ATXN7L1: variants seen among roughly 807,000 people sequenced by gnomAD.
ATXN7L1 encodes ataxin 7 like 1.
In ATXN7L1, 15 loss-of-function variants were observed where a neutral mutation model predicts 70.8. That is an observed-to-expected ratio of 0.21 (90% CI 0.14 to 0.33). The LOEUF is 0.33. Ranked by LOEUF, ATXN7L1 falls within the 10% of genes least tolerant of loss-of-function variation. ATXN7L1 has a pLI of 1.00. For synonymous variants in ATXN7L1, 440 were observed against 445.1 expected (o/e 0.99, Z 0.14); for missense variants, 975 against 1,097.1 (o/e 0.89, Z 1.57).
At chr7:105,684,344 T>G (rs959689488) in intron 3 of ATXN7L1, among the ~76,000 whole-genome samples, 1 of 152,320 alleles carries the variant, frequency 6.6e-6, no homozygotes. Flanking sequence ...TTACAAAGCA[T>G]CATTTTCATT....
intron 2 of ATXN7L1, among the ~76,000 whole-genome samples, chr7:105,865,643 T>C (rs11973313): frequency 0.015 from 2,225 of 152,232 alleles, 53 homozygotes; most frequent in African/African-American, 0.051. Context: ...CCTCGTGATC[T>C]GCCCACCTTG....
chr7:105,795,388 G>C (rs1215221942), intron 2 of ATXN7L1, among the ~76,000 whole-genome samples: 1 of 152,154 alleles, frequency 6.6e-6, no homozygotes, highest in Non-Finnish European at 1.5e-5. Context: ...TTTGAAAATG[G>C]TTACAGTTAA....
chr7:105,843,341 A>G (rs1367186864), intron 2 of ATXN7L1, among the ~76,000 whole-genome samples: 1 of 152,232 alleles, frequency 6.6e-6, no homozygotes, highest in Non-Finnish European at 1.5e-5. Context: ...GGGATTAGCA[A>G]GATGGTCTGA....
intron 2 of ATXN7L1, among the ~76,000 whole-genome samples, chr7:105,835,114 G>A (rs570886686): frequency 7.0e-6 from 1 of 142,774 alleles, no homozygotes; most frequent in East Asian, 2.1e-4. Context: ...CCCTGTGGAA[G>A]CTGTTTTTTT....
chr7:105,875,634 C>G lies in ATXN7L1; in HGVS notation c.250+178G>C, dbSNP rs1472776212. 3.2e-5 allele frequency among the ~76,000 whole-genome samples: 4 copies of G among 126,144 alleles called. 1 individual carries two copies. The highest frequency in any genetic ancestry group is 1.1e-4 in the African/African-American group (4 of 36,880). The allele number at this position is 126,144 out of a possible 152,430, so 82.8% of individuals were successfully genotyped here. On this transcript the variant is annotated intron_variant, in intron 2 of 11. Transcript: ENST00000419735. ...ACAGTCTCACCCCCCTTTACCCCCC[C>G]CCCAGTTGTATTTATACTTTGAAAG...
At chr7:105,848,737 A>G (rs1191842315) in intron 2 of ATXN7L1, among the ~76,000 whole-genome samples, 1 of 152,190 alleles carries the variant, frequency 6.6e-6, no homozygotes, top group East Asian at 1.9e-4. Context: ...TGCATGAAGA[A>G]AAAGCATCAT....
At chr7:105,666,103 G>A (rs1802570403) in intron 3 of ATXN7L1, among the ~76,000 whole-genome samples, 2 of 152,152 alleles carry the variant, frequency 1.3e-5, no homozygotes, top group Non-Finnish European at 1.5e-5. Flanking sequence ...GTTCTAGTGT[G>A]CACCCGCTAT....
intron 4 of ATXN7L1, among the ~76,000 whole-genome samples, chr7:105,656,921 G>T (rs1429065557): frequency 6.6e-6 from 1 of 152,224 alleles, no homozygotes; most frequent in Non-Finnish European, 1.5e-5. Context: ...ACATAAAGGA[G>T]AAAATAACAA....
At chr7:105,633,716 G>A (rs1452501994) in intron 7 of ATXN7L1, among the ~76,000 whole-genome samples, 1 of 152,108 alleles carries the variant, frequency 6.6e-6, no homozygotes, top group Admixed American at 6.5e-5. Flanking sequence ...GGGAGACTCT[G>A]TCTCAAAACA....
At chr7:105,834,568 T>C (rs1226177007) in intron 2 of ATXN7L1, among the ~76,000 whole-genome samples, 1 of 152,154 alleles carries the variant, frequency 6.6e-6, no homozygotes, top group Non-Finnish European at 1.5e-5. Context: ...AGGTCAAACG[T>C]CATAACATTT....
At chr7:105,866,990 C>T (rs139530215) in intron 2 of ATXN7L1, among the ~76,000 whole-genome samples, 188 of 152,290 alleles carry the variant, frequency 1.2e-3, no homozygotes, top group African/African-American at 4.3e-3. Flanking sequence ...ATAAACGAAA[C>T]GTTAACCTGA....
At position 105,688,591 on chromosome 7, in the gene ATXN7L1, G is replaced by C. The variant is rs572846167; in HGVS notation, c.356-23303C>G. Among the ~76,000 whole-genome samples the C allele has an allele frequency of 2.0e-5, 3 of 152,200 alleles. No homozygotes were observed. The East Asian group carries it at 5.8e-4, about 29-fold the overall frequency. On this transcript the variant is annotated intron_variant, in intron 3 of 11. Coordinates refer to ENST00000419735, the MANE Select transcript of ATXN7L1 (RefSeq NM_020725.2). The stretch of plus-strand genomic sequence containing the variant: ...CCAATCGGCTGTTTTCAGAGGGTCA[G>C]TCAGGGAATTCTCTCTCTCTCTACC...
At chr7:105,839,879 T>C (rs1812947083) in intron 2 of ATXN7L1, among the ~76,000 whole-genome samples, 1 of 152,208 alleles carries the variant, frequency 6.6e-6, no homozygotes, top group Non-Finnish European at 1.5e-5. Flanking sequence ...TACAATATTA[T>C]TATATGCTGT....
intron 2 of ATXN7L1, among the ~76,000 whole-genome samples, chr7:105,828,872 T>C (rs1811214873): frequency 6.6e-6 from 1 of 152,170 alleles, no homozygotes; most frequent in East Asian, 1.9e-4. Flanking sequence ...ATACATGGAC[T>C]CCACCGGCAA....
intron 2 of ATXN7L1, among the ~76,000 whole-genome samples, chr7:105,789,580 G>A (rs981975870): frequency 7.2e-5 from 11 of 152,118 alleles, no homozygotes; most frequent in African/African-American, 2.7e-4. Context: ...GCCAGGCAGG[G>A]GGAAGGCGGA....
chr7:105,607,959 A>C, intron 11 of ATXN7L1, 69 bp from the exon 12 acceptor site: 1 of 1,375,580 alleles, frequency 7.3e-7, no homozygotes, highest in Admixed American at 2.0e-5. Flanking sequence ...GAATTCAAGG[A>C]TGGAGACTTA....
chr7:105,762,956 C>T (rs1800740555), intron 3 of ATXN7L1, among the ~76,000 whole-genome samples: 1 of 152,172 alleles, frequency 6.6e-6, no homozygotes. Flanking sequence ...CAGCCAACAG[C>T]CATGTGAGGG....
Position 105,675,884 on chromosome 7 carries a change from CTTTTTTT to C in ATXN7L1, c.356-10603_356-10597del, listed in dbSNP as rs371890415. Among the ~76,000 whole-genome samples, 1,011 of 142,908 alleles carry C rather than the reference CTTTTTTT, an allele frequency of 7.1e-3. 15 individuals are homozygous for C. Among genetic ancestry groups the C allele is most frequent in the African/African-American group, 0.024 (934 of 39,018 alleles). 93.8% of individuals were successfully genotyped at this position (142,908 alleles called of 152,430 possible). On this transcript the variant is annotated intron_variant, in intron 3 of 11. Transcript: ENST00000419735. ...AAGCTATTTCATTCATTCATTCACT[CTTTTTTT>C]TTTTTTTTTCTTAGCATTTCCTTGG...
chr7:105,775,032 T>C (rs1802532289), intron 3 of ATXN7L1, among the ~76,000 whole-genome samples: 1 of 152,224 alleles, frequency 6.6e-6, no homozygotes, highest in Non-Finnish European at 1.5e-5. Flanking sequence ...AAGATTATTT[T>C]TTCCAGGTAA....
Sources: gnomAD v4.1 joint callset for allele counts (sites outside exome capture counted in the v4.1 genomes callset) on GRCh38, gnomAD v4.1.1 for gene constraint, MANE v1.5 for transcripts, NCBI Gene and HGNC (gene_info 2026-07-23, HGNC 2026-07-21) for gene names.